The following CCBE1 variants were observed in gnomAD, a reference collection of about 807,000 sequenced individuals.
CCBE1 encodes collagen and calcium-binding EGF domain-containing protein 1.
In CCBE1, 37 loss-of-function variants were observed where a neutral mutation model predicts 50.0. That is an observed-to-expected ratio of 0.74 (90% confidence interval 0.57 to 0.97). CCBE1 has a LOEUF of 0.97. Ranked by LOEUF, CCBE1 falls within the 50% of genes least tolerant of loss-of-function variation. The pLI is 0.00. For synonymous variants in CCBE1, 234 were observed against 203.7 expected (o/e 1.15, Z -1.27); for missense variants, 538 against 523.8 (o/e 1.03, Z -0.26).
rs145352835 is a variant in CCBE1, at chr18:59,489,517, G to A, written c.213-9279C>T. 3.2e-3 allele frequency among the ~76,000 whole-genome samples: 493 copies of A among 152,258 alleles called. 3 individuals carry two copies. The highest frequency in any genetic ancestry group is 0.011 in the African/African-American group (474 of 41,530). On this transcript the variant is annotated intron_variant, in intron 2 of 10. Transcript: ENST00000439986. Reference sequence around the variant, plus strand: ...CAACCTCTACCTCCTGGGTTCAAGTGATTCTCCTGCCTCAGTCTCCCAAGT... The same window carrying A: ...CAACCTCTACCTCCTGGGTTCAAGTAATTCTCCTGCCTCAGTCTCCCAAGT...
chr18:59,614,167 C>A (rs543685680), intron 2 of CCBE1, among the ~76,000 whole-genome samples: 1 of 152,004 alleles, frequency 6.6e-6, no homozygotes, highest in African/African-American at 2.4e-5. Flanking sequence ...CGCCATGCCC[C>A]GCTAATTTTT....
chr18:59,568,585 C>T (rs865947462), intron 2 of CCBE1: 2 of 152,192 alleles, frequency 1.3e-5, no homozygotes, highest in Non-Finnish European at 2.9e-5. Context: ...GAGAAGATGG[C>T]TAAACTGAAG....
intron 2 of CCBE1, among the ~76,000 whole-genome samples, chr18:59,638,004 A>G (rs2053936114): frequency 6.6e-6 from 1 of 152,216 alleles, no homozygotes; most frequent in African/African-American, 2.4e-5. Context: ...CATAACCTGG[A>G]TAACAAAACC....
chr18:59,474,525 G>A (rs542621863), intron 3 of CCBE1, among the ~76,000 whole-genome samples: 16 of 152,314 alleles, frequency 1.1e-4, no homozygotes, highest in African/African-American at 3.8e-4. Flanking sequence ...CAAGTGAAGG[G>A]AGAAGGCTGA....
chr18:59,655,203 G>A (rs762032211), intron 2 of CCBE1, among the ~76,000 whole-genome samples: 46 of 152,136 alleles, frequency 3.0e-4, no homozygotes, highest in Non-Finnish European at 6.0e-4. Context: ...TGACTATGAG[G>A]GCCTCCTTTT....
Position 59,687,077 on chromosome 18 carries a change from CA to C in CCBE1, c.212+9551del, listed in dbSNP as rs1167702397. On this transcript the variant is annotated intron_variant, in intron 2 of 10. Transcript: ENST00000439986. Reference sequence around the variant, plus strand: ...AGCTCTACCATGCAATTTCACACCACAAAAAAATTGAGCCATTTCTTTGTGG... The same window carrying C: ...AGCTCTACCATGCAATTTCACACCACAAAAAATTGAGCCATTTCTTTGTGG... Among the ~76,000 whole-genome samples the C allele has an allele frequency of 1.3e-4, 20 of 152,146 alleles. No homozygotes were observed. The Middle Eastern group carries it at 0.024, about 181-fold the overall frequency.
At chr18:59,630,095 G>A (rs2053832413) in intron 2 of CCBE1, among the ~76,000 whole-genome samples, 1 of 152,170 alleles carries the variant, frequency 6.6e-6, no homozygotes, top group African/African-American at 2.4e-5. Flanking sequence ...GAGTTTTCCA[G>A]GCCCCCTGGG....
chr18:59,692,956 G>GCACA (rs59496597), intron 2 of CCBE1, among the ~76,000 whole-genome samples: 129 of 86,958 alleles, frequency 1.5e-3, no homozygotes, highest in East Asian at 6.9e-3. Context: ...TCAAGCCAAA[G>GCACA]CACACACACA....
intron 2 of CCBE1, among the ~76,000 whole-genome samples, chr18:59,602,541 A>T (rs1007701864): frequency 2.0e-5 from 3 of 152,230 alleles, no homozygotes; most frequent in Non-Finnish European, 4.4e-5. Context: ...TAAAAACCAC[A>T]TTGAAAACAG....
chr18:59,604,204 A>C (rs1262006401), intron 2 of CCBE1, among the ~76,000 whole-genome samples: 1 of 152,244 alleles, frequency 6.6e-6, no homozygotes, highest in African/African-American at 2.4e-5. Flanking sequence ...ACATAAGGCC[A>C]AAACAGTTAT....
chr18:59,514,645 G>GAAAA lies in CCBE1; in HGVS notation c.213-34411_213-34408dup, dbSNP rs11438608. On this transcript the variant is annotated intron_variant, in intron 2 of 10. Transcript: ENST00000439986. ...TTTTTTTTTTTTCTTTCCTTTCCTTGAAAAAAAAAAAAAAAAGGAGGCTAC... is the reference window on the plus strand; with the variant it reads ...TTTTTTTTTTTTCTTTCCTTTCCTTGAAAAAAAAAAAAAAAAAAAAGGAGGCTAC... Among the ~76,000 whole-genome samples, 21 of 96,028 alleles carry GAAAA rather than the reference G, an allele frequency of 2.2e-4. 1 individual carries two copies. Among genetic ancestry groups the GAAAA allele is most frequent in the African/African-American group, 7.8e-4 (21 of 26,788 alleles). The allele number at this position is 96,028 out of a possible 152,430, so 63.0% of individuals were successfully genotyped here.
chr18:59,662,382 A>G lies in CCBE1; in HGVS notation c.212+34247T>C, dbSNP rs75952290. On this transcript the variant is annotated intron_variant, in intron 2 of 10. Transcript: ENST00000439986. ...AGCAAGTACATCAATCTGCAAATTT[A>G]CAACGTATATTACAAGGTGGATTAC... Among the ~76,000 whole-genome samples, 419 of 152,364 alleles carry G rather than the reference A, an allele frequency of 2.7e-3. 15 individuals are homozygous for G. The East Asian group carries it at 0.07, about 25-fold the overall frequency.
chr18:59,481,089 G>A (rs571135052), intron 2 of CCBE1, among the ~76,000 whole-genome samples: 4 of 152,184 alleles, frequency 2.6e-5, no homozygotes, highest in South Asian at 4.2e-4. Flanking sequence ...ACTACATAAA[G>A]GAAAATATAC....
intron 7 of CCBE1, among the ~76,000 whole-genome samples, chr18:59,443,842 A>G (rs192831550): frequency 4.9e-4 from 74 of 152,254 alleles, no homozygotes; most frequent in East Asian, 3.9e-3. Flanking sequence ...ACAGATCTCT[A>G]TAACTTTCTC....
intron 2 of CCBE1, among the ~76,000 whole-genome samples, chr18:59,573,183 G>C (rs1415853131): frequency 6.6e-6 from 1 of 150,694 alleles, no homozygotes; most frequent in African/African-American, 2.4e-5. Flanking sequence ...TACTCGGGAG[G>C]CTGAGGCACC....
chr18:59,566,898 G>A (rs1473570349), intron 2 of CCBE1, among the ~76,000 whole-genome samples: 1 of 152,058 alleles, frequency 6.6e-6, no homozygotes, highest in Admixed American at 6.5e-5. Context: ...AGAGAACGAT[G>A]ATGAAAGTCG....
At chr18:59,480,330 C>T in intron 2 of CCBE1, 92 bp from the exon 3 acceptor site, 2 of 1,019,466 alleles carry the variant, frequency 2.0e-6, no homozygotes, top group South Asian at 1.4e-5. Context: ...AACTTGTGCC[C>T]AGGAAACATT....
At chr18:59,458,562 C>A (rs148586123) in intron 5 of CCBE1, among the ~76,000 whole-genome samples, 114 of 152,316 alleles carry the variant, frequency 7.5e-4, no homozygotes, top group African/African-American at 2.5e-3. Flanking sequence ...TAGAACGTAT[C>A]TTTAGTTCAA....
chr18:59,598,040 A>G (rs2053380399), intron 2 of CCBE1, among the ~76,000 whole-genome samples: 1 of 152,226 alleles, frequency 6.6e-6, no homozygotes, highest in South Asian at 2.1e-4. Context: ...AAGTGTAGGG[A>G]AAATGGAGGT....
Sources: allele counts gnomAD v4.1 joint callset (sites outside exome capture counted in the v4.1 genomes callset), GRCh38; gene constraint gnomAD v4.1.1; transcripts MANE v1.5; gene names NCBI Gene and HGNC (gene_info 2026-07-23, HGNC 2026-07-21).